SHC3: variants seen among roughly 807,000 people sequenced by gnomAD.
SHC3 encodes the protein SHC-transforming protein 3.
In SHC3, 15 loss-of-function variants were observed where a neutral mutation model predicts 60.4. That is an observed-to-expected ratio of 0.25 (90% CI 0.17 to 0.38). The LOEUF is 0.38. Among genes scored for constraint, SHC3 ranks in the 10% least tolerant of loss-of-function variants. The probability of loss-of-function intolerance (pLI) is 1.00; values close to 1 mark genes in which losing one functional copy is unlikely to be tolerated. For synonymous variants in SHC3, 294 were observed against 325.9 expected (o/e 0.90, Z 1.05); for missense variants, 677 against 786.1 (o/e 0.86, Z 1.66).
At chr9:89,069,633 G>C (rs1825237261) in intron 5 of SHC3, among the ~76,000 whole-genome samples, 1 of 152,234 alleles carries the variant, frequency 6.6e-6, no homozygotes, top group East Asian at 1.9e-4. Flanking sequence ...CCCCTGCAGA[G>C]TGCCCTTGGC....
intron 1 of SHC3, among the ~76,000 whole-genome samples, chr9:89,117,552 C>T (rs1271030569): frequency 1.3e-5 from 2 of 151,946 alleles, no homozygotes; most frequent in Admixed American, 6.6e-5. Flanking sequence ...CTTTTGGTGG[C>T]ATCTACATTT....
At chr9:89,027,412 C>T (rs980442278) in intron 11 of SHC3, among the ~76,000 whole-genome samples, 9 of 150,004 alleles carry the variant, frequency 6.0e-5, no homozygotes, top group Admixed American at 4.7e-4. Context: ...CTGTGCCCCC[C>T]GGGTTCACGC....
chr9:89,167,719 A>G (rs1488280830), intron 1 of SHC3, among the ~76,000 whole-genome samples: 1 of 152,250 alleles, frequency 6.6e-6, no homozygotes, highest in Non-Finnish European at 1.5e-5. Flanking sequence ...TAGAACTTCC[A>G]TGACAGCAAA....
At position 89,008,630 on chromosome 9, in the gene SHC3, A is replaced by G. The variant is rs1047731339; in HGVS notation, c.*4817T>C. The G allele has an allele frequency of 1.3e-5, 2 of 152,274 alleles. No homozygotes were observed. Among genetic ancestry groups the G allele is most frequent in the Non-Finnish European group, 2.9e-5 (2 of 68,108 alleles). The allele number at this position is 152,274 out of a possible 1,614,324, so 9.4% of individuals were successfully genotyped here. A position where few individuals can be genotyped will look rare whatever the true frequency, so the allele number is the denominator to read the frequency against. On this transcript the variant is annotated 3_prime_UTR_variant, in exon 12 of 12. Transcript: ENST00000375835. ...CGAACGCCTGTCTCAGCTCAGGGAC[A>G]TCCCCGGCTTAGGAAGTATGCTCAG...
At position 89,063,893 on chromosome 9, in the gene SHC3, A is replaced by G. The variant is rs377472419; in HGVS notation, c.835+1636T>C. On this transcript the variant is annotated intron_variant, in intron 6 of 11. Transcript: ENST00000375835. ...CTGTCTCAAACAAAGGGCCTGTCTT[A>G]ATCAGCTGGGACTGCTGTAACAACA... Among the ~76,000 whole-genome samples the G allele has an allele frequency of 6.6e-5, 10 of 152,374 alleles. No homozygotes were observed. The South Asian group carries it at 1.4e-3, about 22-fold the overall frequency.
intron 2 of SHC3, among the ~76,000 whole-genome samples, chr9:89,086,841 G>T (rs1240626055): frequency 6.6e-6 from 1 of 152,164 alleles, no homozygotes; most frequent in East Asian, 1.9e-4. Flanking sequence ...AAGACCAAAT[G>T]CATATTTCAC....
At chr9:89,116,682 A>G (rs1826023794) in intron 1 of SHC3, among the ~76,000 whole-genome samples, 1 of 152,244 alleles carries the variant, frequency 6.6e-6, no homozygotes, top group African/African-American at 2.4e-5. Flanking sequence ...TACCGTGAAC[A>G]GTATCACTGA....
At position 89,042,197 on chromosome 9, in the gene SHC3, A is replaced by G; in HGVS notation, c.1202-13T>C. ...ATGTCCGAGGACCCTGCAACAAGAA[A>G]GTGAGCCCCTTTTCTTTTACGATGG... On this transcript the variant is annotated splice_polypyrimidine_tract_variant and intron_variant, in intron 9 of 11. Transcript: ENST00000375835. 6.7e-7 allele frequency: 1 copy of G among 1,491,068 alleles called. No homozygotes were observed. Among genetic ancestry groups the G allele is most frequent in the Non-Finnish European group, 8.9e-7 (1 of 1,124,940 alleles). The allele number at this position is 1,491,068 out of a possible 1,614,324, so 92.4% of individuals were successfully genotyped here. A position where few individuals can be genotyped will look rare whatever the true frequency, so the allele number is the denominator to read the frequency against.
At chr9:89,086,071 A>G (rs1457614390) in intron 2 of SHC3, among the ~76,000 whole-genome samples, 1 of 152,250 alleles carries the variant, frequency 6.6e-6, no homozygotes, top group Non-Finnish European at 1.5e-5. Context: ...CATGGGGCAC[A>G]TGCAAGTTAA....
At chr9:89,138,179 A>G (rs566889212) in intron 1 of SHC3, among the ~76,000 whole-genome samples, 94 of 152,330 alleles carry the variant, frequency 6.2e-4, no homozygotes, top group African/African-American at 2.2e-3. Context: ...AGAGCTCCCA[A>G]TCCAGACCCT....
intron 2 of SHC3, among the ~76,000 whole-genome samples, chr9:89,084,125 T>A (rs1172700463): frequency 1.3e-5 from 2 of 152,220 alleles, no homozygotes; most frequent in African/African-American, 2.4e-5. Flanking sequence ...TTTAATCTTG[T>A]ATGTTGCAGA....
intron 2 of SHC3, among the ~76,000 whole-genome samples, chr9:89,090,716 C>A (rs1825608734): frequency 6.6e-6 from 1 of 152,126 alleles, no homozygotes; most frequent in African/African-American, 2.4e-5. Flanking sequence ...GAGTGGCCTG[C>A]AGAAGGACCC....
chr9:89,178,374 G>A lies in SHC3; in HGVS notation c.87C>T (p.Gly29=). The part of the protein sequence containing the change: ...DDLLHSLSVS[G]GGGKVSAARA... The stretch of plus-strand genomic sequence containing the variant: ...GCGCCGCCGAAACCTTGCCTCCGCC[G>A]CCGCTCACCGACAGGCTGTGGAGAA... The change falls in exon 1 of 12, where the codon GGC becomes GGT. Residue 29 remains glycine (G), a synonymous_variant. Transcript: ENST00000375835. This position sits in a 1 kb window ranked among gnomAD's most constrained non-coding sequence, Gnocchi z 6.9. 6 of 1,585,164 alleles carry A rather than the reference G, an allele frequency of 3.8e-6. No homozygotes were observed. Among genetic ancestry groups the A allele is most frequent in the African/African-American group, 1.4e-5 (1 of 71,888 alleles).
intron 11 of SHC3, among the ~76,000 whole-genome samples, chr9:89,021,720 G>C (rs1826203763): frequency 6.6e-6 from 1 of 152,232 alleles, no homozygotes; most frequent in African/African-American, 2.4e-5. Flanking sequence ...GTAGAACACA[G>C]TGCTAGGAAT....
intron 1 of SHC3, among the ~76,000 whole-genome samples, chr9:89,130,478 C>G (rs905558953): frequency 7.2e-5 from 11 of 152,214 alleles, no homozygotes; most frequent in African/African-American, 2.7e-4. Flanking sequence ...CTCAGCACCA[C>G]ATTGCACTTA....
At chr9:89,078,364 T>A in intron 2 of SHC3, among the ~76,000 whole-genome samples, 1 of 152,168 alleles carries the variant, frequency 6.6e-6, no homozygotes, top group East Asian at 1.9e-4. Context: ...AAAAGAAACA[T>A]GGTCATCCCG....
At chr9:89,037,147 T>G (rs1263063669) in intron 11 of SHC3, among the ~76,000 whole-genome samples, 1 of 151,436 alleles carries the variant, frequency 6.6e-6, no homozygotes, top group African/African-American at 2.5e-5. Flanking sequence ...CAACTGAGTC[T>G]TGGCACCTGA....
rs79536644 is a variant in SHC3 at position 89,120,175 on chromosome 9, T to C, written c.475-7549A>G. On this transcript the variant is annotated intron_variant, in intron 1 of 11. Coordinates refer to ENST00000375835, the MANE Select transcript of SHC3 (RefSeq NM_016848.6). ...AAGATATAAAAGCATTATAAGAATCTAGAGAATAATATTTTTATAACAAGA... is the reference window on the plus strand; with the variant it reads ...AAGATATAAAAGCATTATAAGAATCCAGAGAATAATATTTTTATAACAAGA... Among the ~76,000 whole-genome samples, 21 of 152,210 alleles carry C rather than the reference T, an allele frequency of 1.4e-4. No individual in the cohort carries two copies. In the East Asian group the frequency reaches 4.1e-3, roughly 29 times the overall value.
At position 89,099,386 on chromosome 9, in the gene SHC3, C is replaced by G. The variant is rs554119969; in HGVS notation, c.545+13170G>C. Among the ~76,000 whole-genome samples, 4 of 152,228 alleles carry G rather than the reference C, an allele frequency of 2.6e-5. No homozygotes were observed. In the East Asian group the frequency reaches 5.8e-4, roughly 22 times the overall value. On this transcript the variant is annotated intron_variant, in intron 2 of 11. Coordinates refer to ENST00000375835, the MANE Select transcript of SHC3 (RefSeq NM_016848.6). ...CATGCCAATTTCAACACTTCTGAAC[C>G]CTTTGATTCAGAATTGTTCACGTTT... is the stretch of plus-strand genomic sequence containing the variant.
Sources: gnomAD v4.1 joint callset for allele counts (sites outside exome capture counted in the v4.1 genomes callset) on GRCh38, gnomAD v4.1.1 for gene constraint, Gnocchi (gnomAD v3.1) non-coding constraint, MANE v1.5 for transcripts, NCBI Gene and HGNC (gene_info 2026-07-23, HGNC 2026-07-21) for gene names.